The following C3orf18 variants were observed in gnomAD, a reference collection of about 807,000 sequenced individuals.
C3orf18 encodes uncharacterized protein C3orf18.
C3orf18 carries 12 observed loss-of-function variants against 14.1 expected under a neutral mutation model. The ratio of observed to expected loss-of-function variants is 0.85; its 90% confidence interval spans 0.55 to 1.38. The LOEUF is 1.38. C3orf18 is among the 40% of genes most tolerant of loss of function. The probability of loss-of-function intolerance (pLI) is 0.00; values close to 1 mark genes in which losing one functional copy is unlikely to be tolerated. For missense variants in C3orf18, 196 were observed against 213.9 expected, an observed-to-expected ratio of 0.92 and a Z score of 0.52; for synonymous variants, 82 against 87.9, an observed-to-expected ratio of 0.93 and a Z score of 0.38.
chr3:50,559,740 G>T lies in C3orf18; in HGVS notation c.409-3C>A. The T allele has an allele frequency of 6.3e-7, 1 of 1,575,574 alleles. No individual in the cohort carries two copies. Among genetic ancestry groups the T allele is most frequent in the Non-Finnish European group, 8.6e-7 (1 of 1,158,856 alleles). On this transcript the variant is annotated splice_polypyrimidine_tract_variant and splice_region_variant and intron_variant, in intron 5 of 5. Transcript: ENST00000357203. Reference sequence around the variant, plus strand: ...GGGCCCTGGGAGGGCAGAGTAGTCTGCAGGAAGACAGGCAGGGGCATCAGA... The same window carrying T: ...GGGCCCTGGGAGGGCAGAGTAGTCTTCAGGAAGACAGGCAGGGGCATCAGA...
At chr3:50,570,880 G>A (rs748102961), upstream of C3orf18, 5 of 449,240 alleles carry the variant, frequency 1.1e-5, no homozygotes, top group South Asian at 4.3e-5. Context: ...TTGGTAGAAG[G>A]GGGGGTGTCA....
At chr3:50,568,542 C>A (rs1700529805), upstream of C3orf18, among the ~76,000 whole-genome samples, 1 of 151,938 alleles carries the variant, frequency 6.6e-6, no homozygotes, top group African/African-American at 2.4e-5. Context: ...GCCTGACCAA[C>A]ATGGTGAAAC....
At chr3:50,563,049 A>C (rs1700086465) in intron 3 of C3orf18, among the ~76,000 whole-genome samples, 1 of 152,156 alleles carries the variant, frequency 6.6e-6, no homozygotes, top group African/African-American at 2.4e-5. Flanking sequence ...CCTCGGGGAA[A>C]GCACAGCCCT....
In C3orf18 at chr3:50,565,281, C is replaced by T. The variant is rs992053295; in HGVS notation, c.234+185G>A. The T allele has an allele frequency of 5.1e-6, 3 of 584,064 alleles. No individual in the cohort carries two copies. The highest frequency in any genetic ancestry group is 1.9e-5 in the African/African-American group (1 of 53,426). The allele number at this position is 584,064 out of a possible 1,614,324, so 36.2% of individuals were successfully genotyped here. On this transcript the variant is annotated intron_variant, in intron 3 of 5. Transcript: ENST00000357203. The surrounding 1 kb of genome is among the most constrained non-coding windows in gnomAD (Gnocchi z 4.4). ...ACTTGGGAGGCTGAGGCAGGAGACT[C>T]GATTAAGCCCCAGAGGTGGAGGTTG...
chr3:50,571,976 G>T, upstream of C3orf18: 1 of 1,420,166 alleles, frequency 7.0e-7, no homozygotes, highest in South Asian at 1.3e-5. Context: ...AGGGAGGGAG[G>T]GTTTTGCCTC....
At position 50,566,011 on chromosome 3, in the gene C3orf18, G is replaced by C. The variant is rs149664737; in HGVS notation, c.-168C>G. ...GGAGACATTAGGACACATACTTTAC[G>C]TATCTACGGTGCCCCTGTTTTTGGG... On this transcript the variant is annotated 5_prime_UTR_variant, in exon 2 of 6. Coordinates refer to ENST00000357203, the MANE Select transcript of C3orf18 (RefSeq NM_016210.5). 6 of 305,128 alleles carry C rather than the reference G, an allele frequency of 2.0e-5. No individual in the cohort carries two copies. In the South Asian group the frequency reaches 3.5e-4, roughly 18 times the overall value. 18.9% of individuals were successfully genotyped at this position (305,128 alleles called of 1,614,324 possible).
chr3:50,568,237 C>T (rs1010299813), upstream of C3orf18, among the ~76,000 whole-genome samples: 3 of 152,060 alleles, frequency 2.0e-5, no homozygotes, highest in Non-Finnish European at 4.4e-5. Flanking sequence ...TATTGGGCAC[C>T]CCGACCCAGG....
At chr3:50,569,840 T>C (rs1003724296), upstream of C3orf18, 1 of 151,590 alleles carries the variant, frequency 6.6e-6, no homozygotes, top group African/African-American at 2.4e-5. Flanking sequence ...ACAGTCTTTT[T>C]TTTCTTTTTT....
upstream of C3orf18, chr3:50,571,648 G>A (rs888222996): frequency 8.9e-6 from 13 of 1,465,138 alleles, no homozygotes; most frequent in Admixed American, 2.2e-4. Flanking sequence ...ATCCACATAA[G>A]ACACCTGGGT....
chr3:50,558,840 T>C lies in C3orf18; in HGVS notation c.*817A>G, dbSNP rs1369854990. The C allele has an allele frequency of 4.0e-5, 51 of 1,289,682 alleles. No homozygotes were observed. Among genetic ancestry groups the C allele is most frequent in the Non-Finnish European group, 4.7e-5 (46 of 988,868 alleles). 79.9% of individuals were successfully genotyped at this position (1,289,682 alleles called of 1,614,324 possible). A position where few individuals can be genotyped will look rare whatever the true frequency, so the allele number is the denominator to read the frequency against. On this transcript the variant is annotated 3_prime_UTR_variant, in exon 6 of 6. Transcript: ENST00000357203. ...ACATACCATGGGGTAGAGGTCGACT[T>C]GGAGGGTGGGGCCAGTGTGGACAAT...
chr3:50,571,837 C>T (rs184764647), upstream of C3orf18: 6 of 1,580,638 alleles, frequency 3.8e-6, no homozygotes, highest in Admixed American at 1.7e-5. Context: ...AGGATGTGTT[C>T]AGGGAGCAGC....
upstream of C3orf18, chr3:50,571,392 A>T: frequency 7.6e-7 from 1 of 1,311,130 alleles, no homozygotes; most frequent in Non-Finnish European, 1.1e-6. Context: ...TGGGGAAGGG[A>T]TATCCAGGTT....
upstream of C3orf18, chr3:50,571,128 G>C: frequency 1.9e-6 from 3 of 1,605,176 alleles, no homozygotes; most frequent in Admixed American, 1.7e-5. Flanking sequence ...GCCGAATGCT[G>C]TGGGCCCTCC....
chr3:50,573,357 T>C (rs534985850), upstream of C3orf18, among the ~76,000 whole-genome samples: 5 of 152,312 alleles, frequency 3.3e-5, no homozygotes, highest in South Asian at 1.0e-3. Flanking sequence ...ACCTGCAGAC[T>C]TTGGGAGGCT....
chr3:50,565,717 CCTGG>C lies in C3orf18; in HGVS notation c.-22_-19del. The C allele has an allele frequency of 6.3e-7, 1 of 1,588,238 alleles. No homozygotes were observed. Among genetic ancestry groups the C allele is most frequent in the South Asian group, 1.1e-5 (1 of 90,252 alleles). ...GAGTTCATGCTGATGCGGAGAGGGC[CCTGG>C]CTGAGAGGCTGCCTGATGCCAGTCA... On this transcript the variant is annotated 5_prime_UTR_variant, in exon 3 of 6. Transcript: ENST00000357203. The surrounding 1 kb of genome is among the most constrained non-coding windows in gnomAD (Gnocchi z 4.4).
At chr3:50,563,947 G>A (rs1035117868) in intron 3 of C3orf18, among the ~76,000 whole-genome samples, 1 of 152,234 alleles carries the variant, frequency 6.6e-6, no homozygotes, top group African/African-American at 2.4e-5. Flanking sequence ...GGTGCCAAGG[G>A]AAAACACTGG....
At chr3:50,572,131 A>C (rs753829609), upstream of C3orf18, 1 of 1,613,950 alleles carries the variant, frequency 6.2e-7, no homozygotes, top group Non-Finnish European at 8.5e-7. Context: ...GGTGCAGTAC[A>C]TCCTTGGAGA....
chr3:50,561,933 T>C (rs1175182772), intron 3 of C3orf18, 186 bp from the exon 4 acceptor site: 2 of 643,850 alleles, frequency 3.1e-6, no homozygotes, highest in Non-Finnish European at 5.5e-6. Flanking sequence ...AGAGTCTTGC[T>C]CTGTCACCCA....
chr3:50,562,833 C>T (rs1700073184), intron 3 of C3orf18, among the ~76,000 whole-genome samples: 1 of 152,160 alleles, frequency 6.6e-6, no homozygotes, highest in Non-Finnish European at 1.5e-5. Flanking sequence ...CATTGTACAA[C>T]CTTGAAGATG....
Sources: gnomAD v4.1 joint callset for allele counts (sites outside exome capture counted in the v4.1 genomes callset) on GRCh38, gnomAD v4.1.1 for gene constraint, Gnocchi (gnomAD v3.1) non-coding constraint, MANE v1.5 for transcripts, NCBI Gene and HGNC (gene_info 2026-07-23, HGNC 2026-07-21) for gene names.